The following TBX19 variants were observed in gnomAD, a reference collection of about 807,000 sequenced individuals.
The protein encoded by TBX19 is T-box transcription factor TBX19.
TBX19 carries 33 observed loss-of-function variants against 40.9 expected under a neutral mutation model. The observed-to-expected ratio is 0.81, with a 90% CI of 0.61 to 1.08. TBX19 has a LOEUF of 1.08. Ranked by LOEUF, TBX19 falls within the 50% of genes least tolerant of loss-of-function variation. The pLI, the probability that TBX19 is intolerant of heterozygous loss-of-function variation, is 0.00. For missense variants in TBX19, 494 were observed against 574.0 expected, an observed-to-expected ratio of 0.86 and a Z score of 1.42; for synonymous variants, 220 against 225.0, an observed-to-expected ratio of 0.98 and a Z score of 0.20.
chr1:168,303,313 T>C (rs1230258953), intron 5 of TBX19, among the ~76,000 whole-genome samples: 1 of 152,198 alleles, frequency 6.6e-6, no homozygotes, highest in Non-Finnish European at 1.5e-5. Flanking sequence ...GTCCTTGCGA[T>C]AGTTTGCTGA....
intron 6 of TBX19, 94 bp from the exon 7 acceptor site, chr1:168,308,648 C>T: frequency 1.3e-6 from 2 of 1,495,066 alleles, no homozygotes; most frequent in Non-Finnish European, 1.9e-6. Context: ...GTAGTGCAAG[C>T]CATGGTTATA....
Position 168,284,824 on chromosome 1 carries a change from G to T in TBX19, c.203+3531G>T, listed in dbSNP as rs373712877. Among the ~76,000 whole-genome samples, 19 of 144,390 alleles carry T rather than the reference G, an allele frequency of 1.3e-4. No individual in the cohort carries two copies. The East Asian group carries it at 2.2e-3, about 17-fold the overall frequency. The allele number at this position is 144,390 out of a possible 152,430, so 94.7% of individuals were successfully genotyped here. A position where few individuals can be genotyped will look rare whatever the true frequency, so the allele number is the denominator to read the frequency against. On this transcript the variant is annotated intron_variant, in intron 1 of 7. Transcript: ENST00000367821. ...TCTCTTGCTTTTGTTTTCTTTACTTGTAACATTTTCACCTAAGGGGAAAAT... is the reference window on the plus strand; with the variant it reads ...TCTCTTGCTTTTGTTTTCTTTACTTTTAACATTTTCACCTAAGGGGAAAAT...
intron 6 of TBX19, among the ~76,000 whole-genome samples, chr1:168,307,778 C>T (rs988253296): frequency 7.2e-5 from 11 of 152,066 alleles, no homozygotes; most frequent in Non-Finnish European, 4.4e-5. Flanking sequence ...TACAACATGA[C>T]GTTTTGATAT....
At chr1:168,289,646 T>C (rs555439415) in intron 1 of TBX19, among the ~76,000 whole-genome samples, 2 of 152,282 alleles carry the variant, frequency 1.3e-5, no homozygotes, top group African/African-American at 4.8e-5. Flanking sequence ...CCTCATAAAG[T>C]TGTTGTGAAG....
intron 1 of TBX19, among the ~76,000 whole-genome samples, chr1:168,284,881 T>C (rs1648769446): frequency 6.6e-6 from 1 of 151,014 alleles, no homozygotes; most frequent in Non-Finnish European, 1.5e-5. Context: ...AAATAAGAGG[T>C]GGGAATTACT....
At chr1:168,290,455 A>C (rs1185664235) in intron 1 of TBX19, among the ~76,000 whole-genome samples, 1 of 152,216 alleles carries the variant, frequency 6.6e-6, no homozygotes, top group African/African-American at 2.4e-5. Flanking sequence ...CATGGTGTAC[A>C]TGGGTATGTT....
chr1:168,308,525 G>A (rs953273076), intron 6 of TBX19: 3 of 586,900 alleles, frequency 5.1e-6, no homozygotes, highest in African/African-American at 1.9e-5. Flanking sequence ...AGGAGTCACT[G>A]GTGTGAAGAT....
chr1:168,295,362 C>G (rs904723464), intron 3 of TBX19, among the ~76,000 whole-genome samples: 1 of 152,100 alleles, frequency 6.6e-6, no homozygotes, highest in Non-Finnish European at 1.5e-5. Flanking sequence ...AGATTTTGGG[C>G]TGCCACTCAG....
chr1:168,284,768 C>CAAAA (rs146281397), intron 1 of TBX19, among the ~76,000 whole-genome samples: 5 of 74,990 alleles, frequency 6.7e-5, no homozygotes, highest in East Asian at 4.1e-4. Context: ...GACCGTGTCT[C>CAAAA]AAAAAAAAAA....
chr1:168,306,378 A>T (rs955317354), intron 6 of TBX19, among the ~76,000 whole-genome samples: 1 of 152,208 alleles, frequency 6.6e-6, no homozygotes, highest in Non-Finnish European at 1.5e-5. Context: ...CTGTAATCCC[A>T]GCACTTTGGG....
intron 3 of TBX19, chr1:168,297,518 G>A (rs747193913): frequency 1.5e-6 from 1 of 672,894 alleles, no homozygotes; most frequent in South Asian, 1.6e-5. Flanking sequence ...CAGAGACAGC[G>A]CAGTGGTGAT....
intron 1 of TBX19, among the ~76,000 whole-genome samples, chr1:168,283,939 C>G (rs1279485605): frequency 6.6e-6 from 1 of 152,180 alleles, no homozygotes; most frequent in African/African-American, 2.4e-5. Context: ...GACTCATTGT[C>G]AAGTGGAGAT....
chr1:168,284,419 G>C (rs1257149370), intron 1 of TBX19, among the ~76,000 whole-genome samples: 2 of 152,088 alleles, frequency 1.3e-5, no homozygotes, highest in Non-Finnish European at 2.9e-5. Flanking sequence ...TCATGTCTGT[G>C]ATCCCAGAAC....
intron 5 of TBX19, among the ~76,000 whole-genome samples, chr1:168,302,054 C>T (rs1278842954): frequency 1.3e-5 from 2 of 152,114 alleles, no homozygotes; most frequent in Non-Finnish European, 2.9e-5. Context: ...GAATAAAAAC[C>T]TCGTTTTCTA....
chr1:168,307,251 A>G (rs1475449192), intron 6 of TBX19, among the ~76,000 whole-genome samples: 1 of 152,094 alleles, frequency 6.6e-6, no homozygotes, highest in Non-Finnish European at 1.5e-5. Context: ...AATACTTGAG[A>G]TTGGGTAATT....
rs768202830 is a variant in TBX19, at chr1:168,312,788, C to CA, written c.1134dup (p.Gly379ArgfsTer95). The CA allele has an allele frequency of 6.2e-7, 1 of 1,614,280 alleles. No homozygotes were observed. The highest frequency in any genetic ancestry group is 2.2e-5 in the East Asian group (1 of 44,892). On this transcript the variant is annotated frameshift_variant, in exon 8 of 8. Transcript: ENST00000367821. LOFTEE classifies it high-confidence loss of function. The stretch of plus-strand genomic sequence containing the variant: ...GGCCCGGAGGTGCACGCCAGCACCC[C>CA]AGGAGCATTTCTCCTCGGAAACCCA...
At chr1:168,307,309 T>A (rs1649425171) in intron 6 of TBX19, among the ~76,000 whole-genome samples, 1 of 151,552 alleles carries the variant, frequency 6.6e-6, no homozygotes, top group African/African-American at 2.4e-5. Flanking sequence ...GGCTGGGGAG[T>A]TTAAGATTAA....
At chr1:168,310,697 C>T (rs1427605666) in intron 7 of TBX19, among the ~76,000 whole-genome samples, 1 of 145,432 alleles carries the variant, frequency 6.9e-6, no homozygotes, top group African/African-American at 2.5e-5. Context: ...ATATATATAC[C>T]ACTATATTAC....
At chr1:168,293,064 A>G (rs1458081377) in intron 2 of TBX19, 80 bp from the exon 3 acceptor site, 5 of 1,597,638 alleles carry the variant, frequency 3.1e-6, no homozygotes, top group East Asian at 2.3e-5. Context: ...CTTGGGACCA[A>G]CTGGAGATGC....
Sources: allele counts gnomAD v4.1 joint callset (sites outside exome capture counted in the v4.1 genomes callset), GRCh38; gene constraint gnomAD v4.1.1; transcripts MANE v1.5; gene names NCBI Gene and HGNC (gene_info 2026-07-23, HGNC 2026-07-21).